VSIG1: variants seen among roughly 807,000 people sequenced by gnomAD.
VSIG1 encodes the protein V-set and immunoglobulin domain containing 1.
In VSIG1, 11 loss-of-function variants were observed where a neutral mutation model predicts 20.1. That is an observed-to-expected ratio of 0.55 (90% CI 0.34 to 0.91). The LOEUF (loss-of-function observed/expected upper bound fraction) is 0.91, where lower values mean the gene tolerates loss of function less well. Among genes scored for constraint, VSIG1 ranks in the 40% least tolerant of loss-of-function variants. The pLI is 0.02. For synonymous variants in VSIG1, 126 were observed against 116.7 expected (o/e 1.08, Z -0.52); for missense variants, 283 against 298.8 (o/e 0.95, Z 0.39).
intron 2 of VSIG1, among the ~76,000 whole-genome samples, chrX:108,059,006 G>A (rs2030968858): frequency 9.0e-6 from 1 of 111,542 alleles, no homozygotes; most frequent in Non-Finnish European, 1.9e-5. Flanking sequence ...ATGTTTATGT[G>A]AGCACATATG....
chrX:108,045,639 T>G (rs1440217425), intron 1 of VSIG1, among the ~76,000 whole-genome samples: 3 of 112,363 alleles, frequency 2.7e-5, no homozygotes, highest in Non-Finnish European at 5.6e-5. Flanking sequence ...CTTTACTGTC[T>G]AATATTTCTT....
upstream of VSIG1, among the ~76,000 whole-genome samples, chrX:108,044,236 AG>A (rs1315242337): frequency 1.8e-5 from 2 of 111,600 alleles, no homozygotes; most frequent in Non-Finnish European, 3.8e-5. Context: ...GAAAGTCCTT[AG>A]GTTTCTCCGG....
chrX:108,024,432 G>A, the VSIG1 span, among the ~76,000 whole-genome samples: 8 of 108,137 alleles, frequency 7.4e-5, no homozygotes, highest in East Asian at 2.9e-4. Flanking sequence ...TTTTCTGTTC[G>A]CTATCTCATT....
chrX:108,069,165 T>C (rs1602580723), intron 3 of VSIG1, among the ~76,000 whole-genome samples: 1 of 111,104 alleles, frequency 9.0e-6, no homozygotes, highest in African/African-American at 3.3e-5. Context: ...TATTCTTAAA[T>C]TTAAAGCTCA....
chrX:108,047,811 T>TATATATATAC (rs1569287032), intron 1 of VSIG1, among the ~76,000 whole-genome samples: 8 of 64,088 alleles, frequency 1.2e-4, no homozygotes, highest in South Asian at 6.8e-4. Flanking sequence ...TATATATACA[T>TATATATATAC]ATATATATAC....
At chrX:108,070,697 T>C (rs2031220968) in intron 3 of VSIG1, among the ~76,000 whole-genome samples, 1 of 112,459 alleles carries the variant, frequency 8.9e-6, no homozygotes, top group Non-Finnish European at 1.9e-5. Flanking sequence ...GACTTCTGGT[T>C]AAATAGCTTA....
In VSIG1 at chrX:108,078,857, C is replaced by A. The variant is rs1327175799; in HGVS notation, c.*1476C>A. 1 of 111,870 alleles carries A rather than the reference C, an allele frequency of 8.9e-6. No homozygotes were observed. The highest frequency in any genetic ancestry group is 3.2e-5 in the African/African-American group (1 of 30,799). The allele number at this position is 111,870 out of a possible 1,213,427, so 9.2% of individuals were successfully genotyped here. A position where few individuals can be genotyped will look rare whatever the true frequency, so the allele number is the denominator to read the frequency against. ...TAGATAATTTCAACTAATTAAATAA[C>A]CTGTTTTACTGCCTGTACATTCCAC... On this transcript the variant is annotated 3_prime_UTR_variant, in exon 7 of 7. Transcript: ENST00000217957.
At chrX:108,019,889 GA>G in the VSIG1 span, among the ~76,000 whole-genome samples, 4 of 111,329 alleles carry the variant, frequency 3.6e-5, no homozygotes, top group Admixed American at 9.5e-5. Context: ...AGGATTTTAG[GA>G]ACCTGAAGCA....
chrX:108,077,765 T>A lies in VSIG1; in HGVS notation c.*384T>A, dbSNP rs773995435. The A allele has an allele frequency of 7.8e-6, 1 of 128,818 alleles. No homozygotes were observed. Among genetic ancestry groups the A allele is most frequent in the East Asian group, 2.3e-4 (1 of 4,433 alleles). 10.6% of individuals were successfully genotyped at this position (128,818 alleles called of 1,213,427 possible). A position where few individuals can be genotyped will look rare whatever the true frequency, so the allele number is the denominator to read the frequency against. The stretch of plus-strand genomic sequence containing the variant: ...TCCGTCGCGCAGGCTGTGATCGTAG[T>A]GGTGCGATCTCGGCTCACTGCAACC... On this transcript the variant is annotated 3_prime_UTR_variant, in exon 7 of 7. Transcript: ENST00000217957.
intron 1 of VSIG1, among the ~76,000 whole-genome samples, chrX:108,047,871 C>CATATATATATAT (rs1163835788): frequency 6.9e-5 from 2 of 28,807 alleles, no homozygotes; most frequent in African/African-American, 4.3e-4. Flanking sequence ...TATATATATA[C>CATATATATATAT]ACATATATAT....
intron 2 of VSIG1, chrX:108,061,453 G>A (rs1017304197): frequency 1.7e-6 from 2 of 1,164,820 alleles, no homozygotes; most frequent in African/African-American, 3.6e-5. Flanking sequence ...AGTACTGAGG[G>A]TATGGAGGAA....
At position 108,058,096 on chromosome X, in the gene VSIG1, A is replaced by G. The variant is rs2030945312; in HGVS notation, c.108A>G (p.Gly36=). ...ACGGTTTCGTGAACGTGACTGTTGG[A>G]TCTAATGTCACTCTCATCTGCATCT... ...IPDGFVNVTV[G]SNVTLICIYT... The change falls in exon 2 of 7, where the codon GGA becomes GGG. Residue 36 remains glycine (G), a synonymous_variant. Transcript: ENST00000217957. 1 of 1,209,312 alleles carries G rather than the reference A, an allele frequency of 8.3e-7. No individual in the cohort carries two copies. The highest frequency in any genetic ancestry group is 3.0e-5 in the East Asian group (1 of 33,754).
intron 3 of VSIG1, among the ~76,000 whole-genome samples, chrX:108,072,253 AT>A (rs1003832528): frequency 1.8e-5 from 2 of 109,465 alleles, no homozygotes; most frequent in African/African-American, 3.3e-5. Context: ...CATTTTAATA[AT>A]TTTTTTTGTG....
intron 2 of VSIG1, among the ~76,000 whole-genome samples, chrX:108,063,113 C>T (rs969533418): frequency 8.9e-6 from 1 of 112,100 alleles, no homozygotes; most frequent in Non-Finnish European, 1.9e-5. Flanking sequence ...ACTGAGGGGC[C>T]TACAATTGCA....
intron 2 of VSIG1, among the ~76,000 whole-genome samples, chrX:108,063,905 T>C (rs972223446): frequency 9.0e-6 from 1 of 111,670 alleles, no homozygotes; most frequent in Non-Finnish European, 1.9e-5. Flanking sequence ...CACCCAAAGA[T>C]GTGGCCCATT....
chrX:108,047,907 C>CATATAT (rs370322784), intron 1 of VSIG1, among the ~76,000 whole-genome samples: 1 of 29,244 alleles, frequency 3.4e-5, no homozygotes, highest in African/African-American at 2.3e-4. Flanking sequence ...TATATATACA[C>CATATAT]ATATATATAT....
intron 3 of VSIG1, among the ~76,000 whole-genome samples, chrX:108,071,350 A>G (rs1321957231): frequency 8.9e-6 from 1 of 111,827 alleles, no homozygotes; most frequent in East Asian, 2.8e-4. Flanking sequence ...TATAAGGTGT[A>G]TAAGATAGAT....
At chrX:108,057,389 A>G (rs1383809224) in intron 1 of VSIG1, among the ~76,000 whole-genome samples, 1 of 112,137 alleles carries the variant, frequency 8.9e-6, no homozygotes, top group Non-Finnish European at 1.9e-5. Flanking sequence ...GTGCACACAC[A>G]CAGCAGTACA....
chrX:108,058,923 G>GAT (rs756062946), intron 2 of VSIG1, among the ~76,000 whole-genome samples: 1 of 105,696 alleles, frequency 9.5e-6, no homozygotes, highest in African/African-American at 3.4e-5. Flanking sequence ...TATACTCAAA[G>GAT]GTGTGTGTGT....
Sources: gnomAD v4.1 joint callset for allele counts (sites outside exome capture counted in the v4.1 genomes callset) on GRCh38, gnomAD v4.1.1 for gene constraint, MANE v1.5 for transcripts, NCBI Gene and HGNC (gene_info 2026-07-23, HGNC 2026-07-21) for gene names.